MYPN: variants seen among roughly 807,000 people sequenced by gnomAD.
MYPN encodes myopalladin, also known as sarcomeric protein myopalladin, 145 kDa (MYOP).
Under a neutral mutation model 129.4 loss-of-function variants are expected in MYPN, and 63 were observed. The ratio of observed to expected loss-of-function variants is 0.49; its 90% confidence interval spans 0.40 to 0.60. MYPN has a LOEUF of 0.60. Ranked by LOEUF, MYPN falls within the 20% of genes least tolerant of loss-of-function variation. The pLI is 0.00. For missense variants in MYPN, 1,596 were observed against 1,635.4 expected (o/e 0.98, Z 0.42); for synonymous variants, 629 against 600.9 (o/e 1.05, Z -0.68).
upstream of MYPN, among the ~76,000 whole-genome samples, chr10:68,101,250 T>C (rs2041980465): frequency 6.6e-6 from 1 of 152,198 alleles, no homozygotes; most frequent in Admixed American, 6.5e-5. Context: ...CAAGTAGTTG[T>C]TTAATTACAT....
chr10:68,208,180 A>G (rs2043848041), intron 19 of MYPN, among the ~76,000 whole-genome samples: 1 of 152,184 alleles, frequency 6.6e-6, no homozygotes, highest in Non-Finnish European at 1.5e-5. Context: ...TTGAAAAAAC[A>G]TAATTGATTA....
At position 68,211,270 on chromosome 10, in the gene MYPN, C is replaced by G; in HGVS notation, c.*815C>G. ...CTCTGTGGGGTCACTTTAAAAACTA[C>G]TAGCTTCAACTACCACTTACAAAAT... On this transcript the variant is annotated 3_prime_UTR_variant, in exon 20 of 20. Coordinates refer to ENST00000358913, the MANE Select transcript of MYPN (RefSeq NM_032578.4). 2 of 454,060 alleles carry G rather than the reference C, an allele frequency of 4.4e-6. No individual in the cohort carries two copies. The highest frequency in any genetic ancestry group is 3.1e-5 in the South Asian group (2 of 64,466). The allele number at this position is 454,060 out of a possible 1,614,324, so 28.1% of individuals were successfully genotyped here.
intron 10 of MYPN, among the ~76,000 whole-genome samples, chr10:68,169,267 A>G (rs1256319386): frequency 7.1e-6 from 1 of 139,886 alleles, no homozygotes; most frequent in Non-Finnish European, 1.5e-5. Context: ...CTGAGGCGGG[A>G]GAATGGCGTG....
At chr10:68,097,765 A>G (rs1283591056) in intron 1 of MYPN, among the ~76,000 whole-genome samples, 2 of 124,500 alleles carry the variant, frequency 1.6e-5, no homozygotes, top group African/African-American at 4.0e-5. Flanking sequence ...TCATCTTACT[A>G]TATAGCTGAT....
rs757214965 is a variant in MYPN at position 68,210,371 on chromosome 10, C to T, written c.3879C>T (p.Asp1293=). The T allele has an allele frequency of 1.9e-5, 30 of 1,614,184 alleles. No individual in the cohort carries two copies. The highest frequency in any genetic ancestry group is 2.5e-5 in the Non-Finnish European group (30 of 1,180,040). The change falls in exon 20 of 20, where the codon GAC becomes GAT. Residue 1293 remains aspartate (D), a synonymous_variant. Coordinates refer to ENST00000358913, the MANE Select transcript of MYPN (RefSeq NM_032578.4). ...GATCTCTCACCAGTAAAGGACTTGACATATTTTCTGCCTTTTCCTCCATGG... is the reference window on the plus strand; with the variant it reads ...GATCTCTCACCAGTAAAGGACTTGATATATTTTCTGCCTTTTCCTCCATGG... ...RYGSLTSKGL[D]IFSAFSSMES...
chr10:68,150,005 T>C (rs2134097107), intron 5 of MYPN, 35 bp from the exon 6 acceptor site: 1 of 1,565,108 alleles, frequency 6.4e-7, no homozygotes, highest in East Asian at 2.2e-5. Context: ...ATAATATTAG[T>C]AACAATGAAT....
intron 1 of MYPN, among the ~76,000 whole-genome samples, chr10:68,118,009 G>T (rs1446716765): frequency 6.6e-6 from 1 of 151,938 alleles, no homozygotes; most frequent in East Asian, 1.9e-4. Flanking sequence ...TCTATCTAAT[G>T]CCAAAGTACT....
intron 1 of MYPN, among the ~76,000 whole-genome samples, chr10:68,112,477 G>A (rs988185946): frequency 6.6e-6 from 1 of 151,902 alleles, no homozygotes; most frequent in Admixed American, 6.6e-5. Context: ...TAAGAAAATG[G>A]CCTACTCACC....
intron 1 of MYPN, among the ~76,000 whole-genome samples, chr10:68,114,556 C>A (rs1464482792): frequency 2.6e-5 from 4 of 152,032 alleles, no homozygotes; most frequent in Admixed American, 6.6e-5. Context: ...ACCATGTTGA[C>A]CAGGCTGGTC....
intron 5 of MYPN, 50 bp downstream of exon 5, chr10:68,148,517 C>A: frequency 7.0e-7 from 1 of 1,425,116 alleles, no homozygotes; most frequent in South Asian, 1.1e-5. Flanking sequence ...GACAGACAGT[C>A]ATGGTGACCA....
At chr10:68,134,056 A>G (rs1456220425) in intron 2 of MYPN, among the ~76,000 whole-genome samples, 1 of 152,178 alleles carries the variant, frequency 6.6e-6, no homozygotes, top group Non-Finnish European at 1.5e-5. Context: ...AGCAAACAGA[A>G]GAAGGGAAGA....
chr10:68,207,681 C>T (rs74143051), intron 19 of MYPN, among the ~76,000 whole-genome samples: 3,144 of 152,230 alleles, frequency 0.021, 114 homozygotes, highest in African/African-American at 0.072. Flanking sequence ...TATCAAGTGA[C>T]ATTTGTAGGA....
intron 18 of MYPN, among the ~76,000 whole-genome samples, chr10:68,204,604 G>A (rs542930918): frequency 5.9e-5 from 9 of 151,674 alleles, no homozygotes; most frequent in Non-Finnish European, 1.0e-4. Context: ...TGTAATCCCA[G>A]CTACTTGGGA....
chr10:68,147,387 T>C (rs75342907), intron 4 of MYPN, among the ~76,000 whole-genome samples: 16,158 of 152,170 alleles, frequency 0.11, 2,450 homozygotes, highest in African/African-American at 0.33. Flanking sequence ...GAACTCTTGG[T>C]CTTAAGTGAT....
intron 1 of MYPN, among the ~76,000 whole-genome samples, chr10:68,117,224 TA>T (rs56780246): frequency 0.011 from 1,421 of 125,882 alleles, 14 homozygotes; most frequent in African/African-American, 0.026. Context: ...AACTCTGTCT[TA>T]AAAAAAAAAA....
chr10:68,167,716 G>A (rs779562709), intron 10 of MYPN, among the ~76,000 whole-genome samples: 1 of 152,150 alleles, frequency 6.6e-6, no homozygotes, highest in Admixed American at 6.5e-5. Flanking sequence ...TTCATATTCT[G>A]CTCACCACTA....
At chr10:68,109,436 G>T, upstream of MYPN, 1 of 447,444 alleles carries the variant, frequency 2.2e-6, no homozygotes, top group South Asian at 1.6e-5. Context: ...CAATCAGGTG[G>T]AATGTTTCAC....
intron 18 of MYPN, among the ~76,000 whole-genome samples, chr10:68,204,228 C>T (rs1490400993): frequency 6.6e-6 from 1 of 152,178 alleles, no homozygotes; most frequent in Non-Finnish European, 1.5e-5. Flanking sequence ...TTTCGTATGT[C>T]CTGACTCTTC....
intron 2 of MYPN, among the ~76,000 whole-genome samples, chr10:68,139,254 T>A (rs780458287): frequency 9.2e-5 from 14 of 152,182 alleles, no homozygotes; most frequent in Non-Finnish European, 1.8e-4. Context: ...TCTTCTCCCA[T>A]TGTCAGCAAT....
Sources: gnomAD v4.1 joint callset for allele counts (sites outside exome capture counted in the v4.1 genomes callset) on GRCh38, gnomAD v4.1.1 for gene constraint, MANE v1.5 for transcripts, NCBI Gene and HGNC (gene_info 2026-07-23, HGNC 2026-07-21) for gene names.